NAPB: variants seen among roughly 807,000 people sequenced by gnomAD.
NAPB encodes the protein beta-soluble NSF attachment protein.
In NAPB, 26 loss-of-function variants were observed where a neutral mutation model predicts 44.7. That is an observed-to-expected ratio of 0.58 (90% CI 0.43 to 0.81). The LOEUF (loss-of-function observed/expected upper bound fraction) is 0.81. Ranked by LOEUF, NAPB falls within the 30% of genes least tolerant of loss-of-function variation. The pLI is 0.00. For missense variants in NAPB, 315 were observed against 356.4 expected (o/e 0.88, Z 0.94); for synonymous variants, 120 against 116.8 (o/e 1.03, Z -0.18).
intron 10 of NAPB, among the ~76,000 whole-genome samples, chr20:23,378,215 T>G (rs934065107): frequency 2.0e-4 from 30 of 150,804 alleles, no homozygotes; most frequent in Non-Finnish European, 4.3e-4. Flanking sequence ...TCCCAGGTAC[T>G]TAGGAGTCTC....
intron 2 of NAPB, among the ~76,000 whole-genome samples, chr20:23,399,632 A>T (rs1332034569): frequency 1.3e-5 from 2 of 152,244 alleles, no homozygotes; most frequent in African/African-American, 2.4e-5. Context: ...GAACTGAAGA[A>T]GCCCTGCTGG....
At chr20:23,392,556 C>T (rs1177428551) in intron 5 of NAPB, among the ~76,000 whole-genome samples, 1 of 152,070 alleles carries the variant, frequency 6.6e-6, no homozygotes, top group Non-Finnish European at 1.5e-5. Flanking sequence ...GTCTCAGCTA[C>T]TTGGAAGGCT....
intron 1 of NAPB, among the ~76,000 whole-genome samples, chr20:23,412,810 AC>A (rs1356309552): frequency 1.3e-5 from 2 of 152,230 alleles, no homozygotes; most frequent in Non-Finnish European, 2.9e-5. Flanking sequence ...AGCCTGGCCA[AC>A]ACGGTGAAAC....
intron 1 of NAPB, among the ~76,000 whole-genome samples, chr20:23,415,555 C>T (rs1026618969): frequency 1.3e-5 from 2 of 152,130 alleles, no homozygotes; most frequent in Non-Finnish European, 2.9e-5. Context: ...GATCATGCCA[C>T]TGCACTCCAG....
At chr20:23,413,555 G>T (rs1369319588) in intron 1 of NAPB, among the ~76,000 whole-genome samples, 1 of 151,808 alleles carries the variant, frequency 6.6e-6, no homozygotes, top group African/African-American at 2.4e-5. Flanking sequence ...AAAACCAGTA[G>T]AACAAATCAA....
Position 23,374,846 on chromosome 20 carries a change from G to T in NAPB, c.*2530C>A, listed in dbSNP as rs1169959563. The T allele has an allele frequency of 1.3e-5, 2 of 152,252 alleles. No individual in the cohort carries two copies. The highest frequency in any genetic ancestry group is 4.8e-5 in the African/African-American group (2 of 41,412). 9.4% of individuals were successfully genotyped at this position (152,252 alleles called of 1,614,324 possible). On this transcript the variant is annotated 3_prime_UTR_variant, in exon 11 of 11. Transcript: ENST00000377026. Reference sequence around the variant, plus strand: ...TGCTTTCAAATCATTAAATAAAAAAGAACTCACACAAGCTATAAAAATGTT... The same window carrying T: ...TGCTTTCAAATCATTAAATAAAAAATAACTCACACAAGCTATAAAAATGTT...
chr20:23,381,762 C>A (rs1983019299), intron 7 of NAPB, among the ~76,000 whole-genome samples: 2 of 152,172 alleles, frequency 1.3e-5, no homozygotes, highest in South Asian at 2.1e-4. Context: ...AAAGCCTGCT[C>A]TCTCTGGCCA....
At chr20:23,415,366 T>TCA in intron 1 of NAPB, among the ~76,000 whole-genome samples, 1 of 152,178 alleles carries the variant, frequency 6.6e-6, no homozygotes, top group South Asian at 2.1e-4. Context: ...GAGGCCGAGG[T>TCA]GGACGGATCA....
At chr20:23,415,604 A>G (rs8115832) in intron 1 of NAPB, among the ~76,000 whole-genome samples, 13,831 of 152,148 alleles carry the variant, frequency 0.091, 1,021 homozygotes, top group African/African-American at 0.21. Context: ...AAAAAAAAAG[A>G]AAACTCTCTG....
intron 2 of NAPB, among the ~76,000 whole-genome samples, chr20:23,400,734 T>A (rs182639864): frequency 1.3e-5 from 2 of 152,260 alleles, no homozygotes; most frequent in East Asian, 3.9e-4. Context: ...GTTATGATCA[T>A]CACCAATGCA....
intron 1 of NAPB, among the ~76,000 whole-genome samples, chr20:23,407,895 A>G (rs1163324142): frequency 6.6e-6 from 1 of 152,218 alleles, no homozygotes; most frequent in African/African-American, 2.4e-5. Flanking sequence ...TAACTATTGC[A>G]GAGCATTGTA....
At chr20:23,414,146 A>G (rs546236694) in intron 1 of NAPB, among the ~76,000 whole-genome samples, 1 of 152,144 alleles carries the variant, frequency 6.6e-6, no homozygotes, top group East Asian at 1.9e-4. Context: ...ATATGGTGAA[A>G]CCCCATATCT....
chr20:23,385,652 G>T (rs972439043), intron 7 of NAPB, among the ~76,000 whole-genome samples: 2 of 151,976 alleles, frequency 1.3e-5, no homozygotes, highest in Non-Finnish European at 2.9e-5. Flanking sequence ...GTGGAGGGTT[G>T]CAGTGAGCTG....
At chr20:23,401,561 T>C (rs1600585764) in intron 2 of NAPB, among the ~76,000 whole-genome samples, 2 of 152,144 alleles carry the variant, frequency 1.3e-5, no homozygotes, top group African/African-American at 4.8e-5. Context: ...AAGGTTAGAA[T>C]ACCTCATCAC....
At chr20:23,383,336 A>G (rs1034665693) in intron 7 of NAPB, among the ~76,000 whole-genome samples, 1 of 152,180 alleles carries the variant, frequency 6.6e-6, no homozygotes, top group African/African-American at 2.4e-5. Context: ...TTTGAAACTA[A>G]AAGAAAAAAA....
chr20:23,396,971 C>T, intron 3 of NAPB, 101 bp downstream of exon 3: 1 of 1,221,674 alleles, frequency 8.2e-7, no homozygotes, highest in East Asian at 2.8e-5. Flanking sequence ...TTCCTTTTTA[C>T]CAGGACTTGA....
chr20:23,389,250 A>AC (rs1663151078), intron 7 of NAPB, among the ~76,000 whole-genome samples: 1 of 150,812 alleles, frequency 6.6e-6, no homozygotes, highest in Non-Finnish European at 1.5e-5. Flanking sequence ...AAAAAAAAAA[A>AC]AACCAAAACA....
In NAPB at chr20:23,394,953, A is replaced by G. The variant is rs1984241910; in HGVS notation, c.389T>C (p.Ile130Thr). Residue 130 changes from isoleucine to threonine, a missense_variant, in exon 5 of 11, where the codon ATC (isoleucine) becomes ACC (threonine). By Grantham distance (89) the Ile-to-Thr change is moderately conservative (BLOSUM62 -1). Around this residue, in one of 3 missense-constraint regions of NAPB, gnomAD observed 179 missense variants for 182.5 expected, o/e 0.98. Coordinates refer to ENST00000377026, the MANE Select transcript of NAPB (RefSeq NM_022080.3). Reference protein sequence around the residue: ...AAKHHITIAEIYETELVDIEK... With the variant: ...AAKHHITIAETYETELVDIEK... ...AATGTCTACAAGTTCAGTCTCATAG[A>G]TCTCTGCAATAGTAATGTGGTGCTT... 1 of 1,614,174 alleles carries G rather than the reference A, an allele frequency of 6.2e-7. No individual in the cohort carries two copies. The highest frequency in any genetic ancestry group is 8.5e-7 in the Non-Finnish European group (1 of 1,180,012).
intron 8 of NAPB, 170 bp downstream of exon 8, chr20:23,381,043 A>T (rs1297632865): frequency 5.3e-6 from 3 of 568,688 alleles, no homozygotes; most frequent in Non-Finnish European, 9.5e-6. Flanking sequence ...CAGCTTTGAC[A>T]GCTGTTAAAA....
Sources: gnomAD v4.1 joint callset for allele counts (sites outside exome capture counted in the v4.1 genomes callset) on GRCh38, gnomAD v4.1.1 for gene constraint, gnomAD v4.1.1 regional missense constraint, MANE v1.5 for transcripts, NCBI Gene and HGNC (gene_info 2026-07-23, HGNC 2026-07-21) for gene names.